Variants in CRMP1 observed in about 807,000 individuals in gnomAD.
CRMP1 encodes the protein collapsin response mediator protein 1.
Under a neutral mutation model 68.3 loss-of-function variants are expected in CRMP1, and 19 were observed. The ratio of observed to expected loss-of-function variants is 0.28; its 90% CI spans 0.19 to 0.41. The LOEUF (loss-of-function observed/expected upper bound fraction) is 0.41, where lower values mean the gene tolerates loss of function less well. Ranked by LOEUF, CRMP1 falls within the 10% of genes least tolerant of loss-of-function variation. The pLI, the probability that CRMP1 is intolerant of heterozygous loss-of-function variation, is 1.00. For synonymous variants in CRMP1, 439 were observed against 399.6 expected (o/e 1.10, Z -1.18); for missense variants, 791 against 967.4 (o/e 0.82, Z 2.42).
chr4:5,835,995 T>C lies in CRMP1; in HGVS notation c.1543A>G (p.Ile515Val). The change falls in exon 11 of 14, where the codon ATT becomes GTT. Residue 515 changes from isoleucine (I) to valine (V), a missense_variant. Physicochemically the swap from Ile to Val is conservative, Grantham distance 29 (BLOSUM62 3). Around this residue, in one of 3 missense-constraint regions of CRMP1, gnomAD observed 594 missense variants for 763.6 expected, o/e 0.78. Coordinates refer to ENST00000324989, the MANE Select transcript of CRMP1 (RefSeq NM_001014809.3). ...IFNLYPRKGR[I>V]AVGSDADVVI... is the part of the protein sequence containing the mutation. ...ACGTCGGCATCCGAGCCCACGGCAA[T>C]CCGCCCTTTCCTTGGGTACAGGTTA... 6.2e-7 allele frequency: 1 copy of C among 1,606,680 alleles called. No homozygotes were observed. The highest frequency in any genetic ancestry group is 8.5e-7 in the Non-Finnish European group (1 of 1,176,476).
chr4:5,892,611 G>C lies in CRMP1; in HGVS notation c.359C>G (p.Pro120Arg), dbSNP rs1251571889. 1.7e-6 allele frequency: 2 copies of C among 1,187,680 alleles called. No homozygotes were observed. Among genetic ancestry groups the C allele is most frequent in the Admixed American group, 4.5e-5 (1 of 22,020 alleles). The allele number at this position is 1,187,680 out of a possible 1,614,324, so 73.6% of individuals were successfully genotyped here. The change falls in exon 1 of 14, where the codon CCC becomes CGC. Residue 120 changes from proline to arginine, a missense_variant. This residue lies in a region of CRMP1 where 193 missense variants were observed against 186.3 expected (regional missense o/e 1.04). Coordinates refer to ENST00000324989, the MANE Select transcript of CRMP1 (RefSeq NM_001014809.3). The surrounding 1 kb of genome is among the most constrained non-coding windows in gnomAD (Gnocchi z 8.6). The stretch of plus-strand genomic sequence containing the variant: ...TACCTGGCCATTGTCCCGGCCGAGG[G>C]GCAGGTCGCGGGGCGCGGGGCGGCG... ...RIRRPAPRDL[P>R]LGRDNGQSDR... is the part of the protein sequence containing the mutation.
intron 1 of CRMP1, among the ~76,000 whole-genome samples, chr4:5,885,679 T>C (rs1254125674): frequency 6.6e-6 from 1 of 152,146 alleles, no homozygotes; most frequent in African/African-American, 2.4e-5. Flanking sequence ...GTGTCCCTGC[T>C]GGGGTTTCTT....
At chr4:5,827,680 A>G (rs529800833) in intron 12 of CRMP1, among the ~76,000 whole-genome samples, 2 of 151,918 alleles carry the variant, frequency 1.3e-5, no homozygotes, top group African/African-American at 4.8e-5. Flanking sequence ...ACACACGTGC[A>G]TGCATGTACA....
At chr4:5,822,798 C>A (rs929822852) in intron 13 of CRMP1, among the ~76,000 whole-genome samples, 1 of 152,176 alleles carries the variant, frequency 6.6e-6, no homozygotes, top group Non-Finnish European at 1.5e-5. Context: ...CCTTCCTGTA[C>A]TCAACTTATC....
At position 5,877,939 on chromosome 4, in the gene CRMP1, A is replaced by T. The variant is rs913522781; in HGVS notation, c.382-11183T>A. Among the ~76,000 whole-genome samples the T allele has an allele frequency of 6.6e-6, 1 of 152,188 alleles. No homozygotes were observed. Among genetic ancestry groups the T allele is most frequent in the Non-Finnish European group, 1.5e-5 (1 of 68,030 alleles). ...AAAGACGATGCTAGCTGCATGTGTG[A>T]TCGGTAACTTGACCCATTTCTCTGT... On this transcript the variant is annotated intron_variant, in intron 1 of 13. Transcript: ENST00000324989. This position sits in a 1 kb window ranked among gnomAD's most constrained non-coding sequence, Gnocchi z 4.3.
intron 1 of CRMP1, among the ~76,000 whole-genome samples, chr4:5,884,954 G>A (rs1715475932): frequency 6.8e-6 from 1 of 147,260 alleles, no homozygotes; most frequent in Admixed American, 6.8e-5. Flanking sequence ...AGCCGCTTCA[G>A]CTAAGTTAAT....
chr4:5,867,859 A>T (rs923943970), intron 1 of CRMP1, among the ~76,000 whole-genome samples: 1 of 152,272 alleles, frequency 6.6e-6, no homozygotes. Context: ...ACTCTGTATG[A>T]CTATAGATAG....
In CRMP1 at chr4:5,840,726, G is replaced by A. The variant is rs555248147; in HGVS notation, c.1153+582C>T. Among the ~76,000 whole-genome samples the A allele has an allele frequency of 1.4e-4, 21 of 152,256 alleles. No homozygotes were observed. The East Asian group carries it at 1.7e-3, about 13-fold the overall frequency. ...AGCTCCAGAACCTGCCTGCTTACCC[G>A]CTCCCGGCTGGTACCGCTTCCAGAT... is the stretch of plus-strand genomic sequence containing the variant. On this transcript the variant is annotated intron_variant, in intron 8 of 13. Coordinates refer to ENST00000324989, the MANE Select transcript of CRMP1 (RefSeq NM_001014809.3).
intron 13 of CRMP1, among the ~76,000 whole-genome samples, chr4:5,822,396 T>G (rs1259682467): frequency 2.0e-5 from 3 of 151,910 alleles, no homozygotes; most frequent in Non-Finnish European, 4.4e-5. Flanking sequence ...ATATTGTGTG[T>G]GTACACATTT....
At chr4:5,830,995 CTGCAG>C (rs1720343275) in intron 11 of CRMP1, among the ~76,000 whole-genome samples, 1 of 152,176 alleles carries the variant, frequency 6.6e-6, no homozygotes, top group Admixed American at 6.5e-5. Context: ...GGGTCTCAGT[CTGCAG>C]TGCAGTGGCA....
At chr4:5,833,307 C>A (rs1426863049) in intron 11 of CRMP1, among the ~76,000 whole-genome samples, 1 of 131,930 alleles carries the variant, frequency 7.6e-6, no homozygotes, top group Non-Finnish European at 1.6e-5. Context: ...GCTGGGACTA[C>A]AGGCGCCCGC....
rs1715827921 is a variant in CRMP1, at chr4:5,889,199, C to T, written c.381+3390G>A. Among the ~76,000 whole-genome samples the T allele has an allele frequency of 6.6e-6, 1 of 152,156 alleles. No homozygotes were observed. The highest frequency in any genetic ancestry group is 2.4e-5 in the African/African-American group (1 of 41,450). On this transcript the variant is annotated intron_variant, in intron 1 of 13. Transcript: ENST00000324989. This position sits in a 1 kb window ranked among gnomAD's most constrained non-coding sequence, Gnocchi z 4.5. ...GGAGCCCCCTAACTGGCAGAGGGAA[C>T]AGCAGGGACAGAAGGGTACGGCCTT... is the stretch of plus-strand genomic sequence containing the variant.
rs1713507511 is a variant in CRMP1, at chr4:5,860,959, G to C, written c.655+67C>G. 4 of 1,518,986 alleles carry C rather than the reference G, an allele frequency of 2.6e-6. No homozygotes were observed. In the Admixed American group the frequency reaches 5.4e-5, roughly 20 times the overall value. The allele number at this position is 1,518,986 out of a possible 1,614,324, so 94.1% of individuals were successfully genotyped here. ...AGAGCCTCGAACACACTGAGCACTTGTGATGCTGGTGATGGGGAGGAGACC... is the reference window on the plus strand; with the variant it reads ...AGAGCCTCGAACACACTGAGCACTTCTGATGCTGGTGATGGGGAGGAGACC... On this transcript the variant is annotated intron_variant, in intron 3 of 13. Coordinates refer to ENST00000324989, the MANE Select transcript of CRMP1 (RefSeq NM_001014809.3). This position sits in a 1 kb window ranked among gnomAD's most constrained non-coding sequence, Gnocchi z 4.2.
At chr4:5,862,092 C>T (rs1461969705) in intron 2 of CRMP1, among the ~76,000 whole-genome samples, 1 of 152,190 alleles carries the variant, frequency 6.6e-6, no homozygotes, top group Non-Finnish European at 1.5e-5. Flanking sequence ...GTGCCACACA[C>T]TGTCCTCTTA....
In CRMP1 at chr4:5,842,614, ACACT is replaced by A. The variant is rs1266743206; in HGVS notation, c.1032+475_1032+478del. ...CACACTCTCTCACACACACACACAC[ACACT>A]CACTCACACACACACACACGCACTG... is the stretch of plus-strand genomic sequence containing the variant. On this transcript the variant is annotated intron_variant, in intron 7 of 13. Transcript: ENST00000324989. The surrounding 1 kb of genome is among the most constrained non-coding windows in gnomAD (Gnocchi z 4.5). Among the ~76,000 whole-genome samples, 117 of 143,258 alleles carry A rather than the reference ACACT, an allele frequency of 8.2e-4. No individual in the cohort carries two copies. The highest frequency in any genetic ancestry group is 3.6e-3 in the Middle Eastern group (1 of 280). 94.0% of individuals were successfully genotyped at this position (143,258 alleles called of 152,430 possible).
In CRMP1 at chr4:5,879,700, A is replaced by T. The variant is rs577840146; in HGVS notation, c.381+12889T>A. On this transcript the variant is annotated intron_variant, in intron 1 of 13. Coordinates refer to ENST00000324989, the MANE Select transcript of CRMP1 (RefSeq NM_001014809.3). The surrounding 1 kb of genome is among the most constrained non-coding windows in gnomAD (Gnocchi z 4.2). ...AACATTCTATGCCAAATGTTCATGC[A>T]TTTGAGGATGCAGGAAAAAGCTTCA... 5.2e-4 allele frequency among the ~76,000 whole-genome samples: 79 copies of T among 152,354 alleles called. No homozygotes were observed. The highest frequency in any genetic ancestry group is 1.8e-3 in the African/African-American group (75 of 41,580).
In CRMP1 at chr4:5,837,678, T is replaced by TAAATAAAATAAAATA. The variant is rs1553904006; in HGVS notation, c.1311-787_1311-773dup. Among the ~76,000 whole-genome samples, 75 of 126,300 alleles carry TAAATAAAATAAAATA rather than the reference T, an allele frequency of 5.9e-4. No homozygotes were observed. The South Asian group carries it at 0.015, about 25-fold the overall frequency. The allele number at this position is 126,300 out of a possible 152,430, so 82.9% of individuals were successfully genotyped here. ...TAAAATAAAATAAAATAAAATAAAA[T>TAAATAAAATAAAATA]AAATAAAATAAAATAAAATAAAAAA... On this transcript the variant is annotated intron_variant, in intron 9 of 13. Coordinates refer to ENST00000324989, the MANE Select transcript of CRMP1 (RefSeq NM_001014809.3).
At chr4:5,839,069 C>T (rs1318918587) in intron 9 of CRMP1, among the ~76,000 whole-genome samples, 1 of 152,272 alleles carries the variant, frequency 6.6e-6, no homozygotes, top group Admixed American at 6.5e-5. Flanking sequence ...GCAGCGGCCA[C>T]TTCTGGAGCA....
intron 4 of CRMP1, among the ~76,000 whole-genome samples, chr4:5,851,946 A>G (rs1712681304): frequency 7.3e-6 from 1 of 137,896 alleles, no homozygotes; most frequent in East Asian, 2.4e-4. Context: ...AGAGGAGGAG[A>G]AAGGGAGAAG....
Sources: gnomAD v4.1 joint callset for allele counts (sites outside exome capture counted in the v4.1 genomes callset) on GRCh38, gnomAD v4.1.1 for gene constraint, gnomAD v4.1.1 regional missense constraint, Gnocchi (gnomAD v3.1) non-coding constraint, MANE v1.5 for transcripts, NCBI Gene and HGNC (gene_info 2026-07-23, HGNC 2026-07-21) for gene names.